DGKG: variants seen among roughly 807,000 people sequenced by gnomAD.
The protein encoded by DGKG is DAG kinase gamma.
DGKG carries 78 observed loss-of-function variants against 105.3 expected under a neutral mutation model. The observed-to-expected ratio is 0.74, with a 90% CI of 0.62 to 0.89. The LOEUF is 0.89. Among genes scored for constraint, DGKG ranks in the 40% least tolerant of loss-of-function variants. DGKG has a pLI of 0.00. For missense variants in DGKG, 958 were observed against 1,020.1 expected (o/e 0.94, Z 0.83); for synonymous variants, 346 against 367.1 (o/e 0.94, Z 0.66).
chr3:186,334,052 C>A lies in DGKG; in HGVS notation c.-248-13345G>T, dbSNP rs189237655. 3.9e-3 allele frequency among the ~76,000 whole-genome samples: 588 copies of A among 152,246 alleles called. 4 individuals are homozygous for A. Among genetic ancestry groups the A allele is most frequent in the African/African-American group, 0.013 (558 of 41,528 alleles). On this transcript the variant is annotated intron_variant, in intron 1 of 24. Coordinates refer to ENST00000265022, the MANE Select transcript of DGKG (RefSeq NM_001346.3). Reference sequence around the variant, plus strand: ...CCCTCCCCTCTCTCTTCTGCCAACGCCTGATCTCCTATTCTCTAATTCTCC... The same window carrying A: ...CCCTCCCCTCTCTCTTCTGCCAACGACTGATCTCCTATTCTCTAATTCTCC...
At chr3:186,298,751 T>A (rs1041747570) in intron 3 of DGKG, among the ~76,000 whole-genome samples, 9 of 152,198 alleles carry the variant, frequency 5.9e-5, no homozygotes, top group African/African-American at 9.7e-5. Context: ...ACGGATGTGA[T>A]GCCTGAGTAT....
At chr3:186,277,279 T>C (rs778692498) in intron 9 of DGKG, among the ~76,000 whole-genome samples, 8 of 152,230 alleles carry the variant, frequency 5.3e-5, no homozygotes, top group Non-Finnish European at 1.2e-4. Context: ...TCTTATTCCA[T>C]TCCAGATGCC....
chr3:186,155,786 C>T (rs7649531), intron 24 of DGKG, among the ~76,000 whole-genome samples: 10,625 of 152,198 alleles, frequency 0.07, 1,074 homozygotes, highest in African/African-American at 0.22. Flanking sequence ...TATGAGTGTC[C>T]TGGTCTCCCC....
At chr3:186,212,828 A>G (rs889582805) in intron 20 of DGKG, among the ~76,000 whole-genome samples, 4 of 152,204 alleles carry the variant, frequency 2.6e-5, no homozygotes, top group Non-Finnish European at 5.9e-5. Flanking sequence ...AGATTTTGCT[A>G]AGGAAGGATT....
intron 20 of DGKG, among the ~76,000 whole-genome samples, chr3:186,228,864 C>G (rs1402147571): frequency 6.6e-6 from 1 of 152,184 alleles, no homozygotes; most frequent in Non-Finnish European, 1.5e-5. Flanking sequence ...TGGGGGAAGA[C>G]TGATGCTGTG....
rs147001974 is a variant in DGKG, at chr3:186,339,792, A to G, written c.-248-19085T>C. On this transcript the variant is annotated intron_variant, in intron 1 of 24. Transcript: ENST00000265022. ...AAGTGTCAGCAGTACCCGGAAATCT[A>G]TATCTGCCAGGAAACAGAAAAGAGT... Among the ~76,000 whole-genome samples the G allele has an allele frequency of 3.3e-3, 509 of 152,316 alleles. 5 individuals are homozygous for G. The highest frequency in any genetic ancestry group is 0.011 in the African/African-American group (465 of 41,568).
chr3:186,301,748 A>G (rs752333283), intron 3 of DGKG, among the ~76,000 whole-genome samples: 1 of 152,234 alleles, frequency 6.6e-6, no homozygotes, highest in Non-Finnish European at 1.5e-5. Flanking sequence ...TGGCAAGTGG[A>G]AATTAGATGA....
intron 21 of DGKG, among the ~76,000 whole-genome samples, chr3:186,209,454 G>A (rs975752675): frequency 9.9e-5 from 15 of 152,096 alleles, no homozygotes; most frequent in African/African-American, 3.1e-4. Context: ...ATAAAATGGG[G>A]ATAATAATCT....
chr3:186,276,497 T>C (rs1415584065), intron 9 of DGKG, among the ~76,000 whole-genome samples: 1 of 152,218 alleles, frequency 6.6e-6, no homozygotes. Flanking sequence ...AGTGTGATAA[T>C]CAAGATGAAA....
chr3:186,204,817 C>A (rs1718641984), intron 21 of DGKG, among the ~76,000 whole-genome samples: 1 of 152,154 alleles, frequency 6.6e-6, no homozygotes, highest in East Asian at 1.9e-4. Context: ...GCTATAAATG[C>A]ATTTTCGGAT....
rs1306556302 is a variant in DGKG, at chr3:186,284,485, C to T, written c.594+175G>A. On this transcript the variant is annotated intron_variant, in intron 7 of 24. Coordinates refer to ENST00000265022, the MANE Select transcript of DGKG (RefSeq NM_001346.3). The surrounding 1 kb of genome is among the most constrained non-coding windows in gnomAD (Gnocchi z 4.0). ...AAGTTGGCATTCACGCTCTGCAAGG[C>T]CGGCCCTTTGGAAATAGCGGGTGGA... 6.6e-6 allele frequency among the ~76,000 whole-genome samples: 1 copy of T among 152,164 alleles called. No homozygotes were observed. The highest frequency in any genetic ancestry group is 6.5e-5 in the Admixed American group (1 of 15,286).
rs1165900264 is a variant in DGKG, at chr3:186,295,961, T to C, written c.373+1460A>G. Among the ~76,000 whole-genome samples, 2 of 152,002 alleles carry C rather than the reference T, an allele frequency of 1.3e-5. 1 individual carries two copies. The highest frequency in any genetic ancestry group is 2.9e-5 in the Non-Finnish European group (2 of 68,010). ...GTCTGTACTAAAAAAGTACAAAAAT[T>C]AGCCAGGCGTGGCAGCACACTCTTG... On this transcript the variant is annotated intron_variant, in intron 5 of 24. Coordinates refer to ENST00000265022, the MANE Select transcript of DGKG (RefSeq NM_001346.3).
intron 1 of DGKG, among the ~76,000 whole-genome samples, chr3:186,322,878 G>A (rs929081694): frequency 1.3e-5 from 2 of 152,170 alleles, no homozygotes; most frequent in East Asian, 3.8e-4. Flanking sequence ...CAGTGCCCAG[G>A]TCAGAGGCAG....
Position 186,310,290 on chromosome 3 carries a change from C to CAAAAAAA in DGKG, c.68-3314_68-3313insTTTTTTT, listed in dbSNP as rs886723244. On this transcript the variant is annotated intron_variant, in intron 2 of 24. Transcript: ENST00000265022. ...CAAAAAAAAAAAAAAAAAAAAAAAACCACACACACACAACAAGAATCCAGG... is the reference window on the plus strand; with the variant it reads ...CAAAAAAAAAAAAAAAAAAAAAAAACAAAAAAACACACACACACAACAAGAATCCAGG... Among the ~76,000 whole-genome samples the CAAAAAAA allele has an allele frequency of 1.3e-4, 9 of 69,840 alleles. No homozygotes were observed. The East Asian group carries it at 1.4e-3, about 11-fold the overall frequency. 45.8% of individuals were successfully genotyped at this position (69,840 alleles called of 152,430 possible).
In DGKG at chr3:186,261,754, T is replaced by G. The variant is rs764872757; in HGVS notation, c.1294A>C (p.Thr432Pro). Residue 432 changes from threonine (T) to proline (P), a missense_variant, in exon 15 of 25, where the codon ACC becomes CCC. By Grantham distance (38) the Thr-to-Pro change is conservative. Around this residue, in one of 2 missense-constraint regions of DGKG, gnomAD observed 643 missense variants for 619.5 expected, o/e 1.04. Coordinates refer to ENST00000265022, the MANE Select transcript of DGKG (RefSeq NM_001346.3). Reference protein sequence around the residue: ...MQYKIIPTPGTHPLLVLVNPK... With the variant: ...MQYKIIPTPGPHPLLVLVNPK... ...TTCACCAAGACCAGCAGGGGGTGGG[T>G]ACCCGGGGTGGGGATGATCTTATAC... 1.9e-6 allele frequency: 3 copies of G among 1,607,332 alleles called. No homozygotes were observed. The Admixed American group carries it at 5.0e-5, about 27-fold the overall frequency.
At chr3:186,298,026 G>T in intron 4 of DGKG, 38 bp downstream of exon 4, 1 of 1,576,862 alleles carries the variant, frequency 6.3e-7, no homozygotes. Flanking sequence ...GATGAGAGCT[G>T]CGCAAGGTCT....
rs1339847954 is a variant in DGKG, at chr3:186,267,744, C to G, written c.1150G>C (p.Asp384His). 6.2e-7 allele frequency: 1 copy of G among 1,613,930 alleles called. No homozygotes were observed. The highest frequency in any genetic ancestry group is 2.2e-5 in the East Asian group (1 of 44,888). Residue 384 changes from aspartate (D) to histidine (H), a missense_variant, in exon 13 of 25, where the codon GAC becomes CAC. Asp to His is a moderately conservative substitution (Grantham distance 81). Transcript: ENST00000265022. The part of the protein sequence containing the change: ...HRKCELSTLC[D>H]GGELRDHILL... The stretch of plus-strand genomic sequence containing the variant: ...ATGTGGTCTCTGAGTTCCCCACCGT[C>G]ACACAACGTTGATAATTCACATTTG...
intron 16 of DGKG, among the ~76,000 whole-genome samples, chr3:186,259,096 C>CTCTCCGACGGGAA: frequency 9.7e-6 from 1 of 103,048 alleles, no homozygotes; most frequent in South Asian, 2.8e-4. Context: ...CAGAACTCTG[C>CTCTCCGACGGGAA]TCTCCGACGG....
chr3:186,178,307 C>T (rs535476221), intron 22 of DGKG, among the ~76,000 whole-genome samples: 15 of 152,242 alleles, frequency 9.9e-5, no homozygotes, highest in East Asian at 3.9e-4. Context: ...GTGGCCAGGA[C>T]GGAGTTTTGC....
Sources: gnomAD v4.1 joint callset for allele counts (sites outside exome capture counted in the v4.1 genomes callset) on GRCh38, gnomAD v4.1.1 for gene constraint, gnomAD v4.1.1 regional missense constraint, Gnocchi (gnomAD v3.1) non-coding constraint, MANE v1.5 for transcripts, NCBI Gene and HGNC (gene_info 2026-07-23, HGNC 2026-07-21) for gene names.